PPP2R2B: variants seen among roughly 807,000 people sequenced by gnomAD.
PPP2R2B encodes protein phosphatase 2 regulatory subunit Bbeta.
In PPP2R2B, 5 loss-of-function variants were observed where a neutral mutation model predicts 46.0. The observed-to-expected ratio is 0.11, with a 90% CI of 0.06 to 0.23. PPP2R2B has a LOEUF of 0.23. Among genes scored for constraint, PPP2R2B ranks in the 10% least tolerant of loss-of-function variants. The pLI, the probability that PPP2R2B is intolerant of heterozygous loss-of-function variation, is 1.00. For synonymous variants in PPP2R2B, 215 were observed against 206.7 expected, an observed-to-expected ratio of 1.04 and a Z score of -0.34; for missense variants, 367 against 575.0, an observed-to-expected ratio of 0.64 and a Z score of 3.70.
intron 2 of PPP2R2B, among the ~76,000 whole-genome samples, chr5:146,708,721 C>T (rs1310728929): frequency 1.3e-5 from 2 of 152,070 alleles, no homozygotes; most frequent in African/African-American, 2.4e-5. Flanking sequence ...TTTCTTAGTA[C>T]ACAGAGTCAA....
At chr5:146,807,328 T>C (rs1757237653) in intron 2 of PPP2R2B, among the ~76,000 whole-genome samples, 1 of 152,170 alleles carries the variant, frequency 6.6e-6, no homozygotes, top group South Asian at 2.1e-4. Context: ...TGTTTTTGCT[T>C]ATAGGTGTAC....
Position 147,026,296 on chromosome 5 carries a change from C to A in PPP2R2B, c.79+29369G>T, listed in dbSNP as rs142918973. 4.2e-3 allele frequency among the ~76,000 whole-genome samples: 638 copies of A among 152,128 alleles called. 8 individuals are homozygous for A. The highest frequency in any genetic ancestry group is 3.6e-3 in the Non-Finnish European group (245 of 67,952). Reference sequence around the variant, plus strand: ...GGACACTTCTCAGCAATAAAAAGATCGAACTATTGCTACACACAGTAACAT... The same window carrying A: ...GGACACTTCTCAGCAATAAAAAGATAGAACTATTGCTACACACAGTAACAT... On this transcript the variant is annotated intron_variant, in intron 1 of 8. Transcript: ENST00000336640.
At chr5:146,906,742 CT>C (rs567367352) in intron 1 of PPP2R2B, among the ~76,000 whole-genome samples, 395 of 152,230 alleles carry the variant, frequency 2.6e-3, no homozygotes, top group Non-Finnish European at 3.2e-3. Flanking sequence ...CACTGGAAAA[CT>C]TTTAAATTAT....
In PPP2R2B at chr5:146,828,370, T is replaced by C. The variant is rs1758711599; in HGVS notation, c.70+49632A>G. On this transcript the variant is annotated intron_variant, in intron 2 of 9. Transcript: ENST00000394411. ...ACTTCTGTATCAATGACCAAATCAGTGGGTGAGATCTACAAACTAGAATCA... is the reference window on the plus strand; with the variant it reads ...ACTTCTGTATCAATGACCAAATCAGCGGGTGAGATCTACAAACTAGAATCA... Among the ~76,000 whole-genome samples, 2 of 151,384 alleles carry C rather than the reference T, an allele frequency of 1.3e-5. 1 individual carries two copies. The highest frequency in any genetic ancestry group is 1.3e-4 in the Admixed American group (2 of 15,180).
At chr5:146,653,321 G>C (rs1406250403) in intron 5 of PPP2R2B, among the ~76,000 whole-genome samples, 1 of 152,162 alleles carries the variant, frequency 6.6e-6, no homozygotes, top group African/African-American at 2.4e-5. Context: ...TAGTGTTACT[G>C]GTAGTTATAA....
chr5:146,780,160 T>C (rs1020799694), intron 2 of PPP2R2B, among the ~76,000 whole-genome samples: 3 of 152,178 alleles, frequency 2.0e-5, no homozygotes, highest in African/African-American at 4.8e-5. Context: ...TGTAGAGCTG[T>C]GGTAGAAACA....
chr5:146,696,174 G>A (rs1374681868), intron 4 of PPP2R2B, among the ~76,000 whole-genome samples: 4 of 151,704 alleles, frequency 2.6e-5, no homozygotes, highest in Non-Finnish European at 4.4e-5. Flanking sequence ...AGTGATCTCG[G>A]CTTACTCCAA....
At chr5:146,920,409 G>A (rs1763558072) in intron 1 of PPP2R2B, among the ~76,000 whole-genome samples, 2 of 152,100 alleles carry the variant, frequency 1.3e-5, no homozygotes. Flanking sequence ...GTCAACCATG[G>A]GCCGTGCAGG....
intron 4 of PPP2R2B, 36 bp downstream of exon 4, chr5:146,697,943 G>C: frequency 6.3e-7 from 1 of 1,581,048 alleles, no homozygotes; most frequent in Non-Finnish European, 8.6e-7. Flanking sequence ...TTGGCCGACT[G>C]TATCTCTGAA....
At chr5:146,622,994 T>C (rs913408737) in intron 7 of PPP2R2B, among the ~76,000 whole-genome samples, 1 of 152,222 alleles carries the variant, frequency 6.6e-6, no homozygotes, top group African/African-American at 2.4e-5. Context: ...TCACCTTTTA[T>C]CTGATGTTAG....
intron 1 of PPP2R2B, among the ~76,000 whole-genome samples, chr5:147,050,725 T>C (rs1448592600): frequency 3.3e-5 from 5 of 151,918 alleles, no homozygotes; most frequent in African/African-American, 1.2e-4. Context: ...CACGGTGAAA[T>C]TGTGCCTAGC....
intron 2 of PPP2R2B, among the ~76,000 whole-genome samples, chr5:146,748,069 A>T (rs1753301766): frequency 6.6e-6 from 1 of 152,158 alleles, no homozygotes; most frequent in Non-Finnish European, 1.5e-5. Context: ...AACATAGGCA[A>T]GCTCTTAAGC....
chr5:146,615,967 A>G (rs999622300), intron 7 of PPP2R2B, among the ~76,000 whole-genome samples: 56 of 152,342 alleles, frequency 3.7e-4, no homozygotes, highest in African/African-American at 1.3e-3. Flanking sequence ...TGGAGGAATC[A>G]CATTACCTGA....
intron 2 of PPP2R2B, among the ~76,000 whole-genome samples, chr5:146,741,576 G>C (rs970190973): frequency 6.6e-6 from 1 of 152,082 alleles, no homozygotes; most frequent in South Asian, 2.1e-4. Flanking sequence ...ATAGCTAGGG[G>C]TATAATACGA....
chr5:147,061,518 G>A (rs1250494263), intron 2 of PPP2R2B, among the ~76,000 whole-genome samples: 1 of 152,008 alleles, frequency 6.6e-6, no homozygotes, highest in Non-Finnish European at 1.5e-5. Flanking sequence ...TTTAATATAA[G>A]CTCTACAGGG....
intron 2 of PPP2R2B, among the ~76,000 whole-genome samples, chr5:146,827,318 T>C (rs1035294790): frequency 6.6e-6 from 1 of 152,212 alleles, no homozygotes; most frequent in African/African-American, 2.4e-5. Flanking sequence ...GGGAGATTTG[T>C]GTTTGTAAAT....
chr5:146,615,515 T>TAAAAAAAAAAAAAAAA (rs1364774106), intron 7 of PPP2R2B, among the ~76,000 whole-genome samples: 53 of 70,878 alleles, frequency 7.5e-4, no homozygotes, highest in Non-Finnish European at 9.6e-4. Flanking sequence ...AAAAAAAAAT[T>TAAAAAAAAAAAAAAAA]AAAAAAAAAA....
At chr5:146,687,306 T>C (rs1778569418) in intron 5 of PPP2R2B, among the ~76,000 whole-genome samples, 1 of 152,122 alleles carries the variant, frequency 6.6e-6, no homozygotes, top group African/African-American at 2.4e-5. Flanking sequence ...CTGCATCGGA[T>C]CGAAGGGCTC....
chr5:147,046,091 A>G (rs1406783167), intron 1 of PPP2R2B, among the ~76,000 whole-genome samples: 1 of 152,186 alleles, frequency 6.6e-6, no homozygotes, highest in Non-Finnish European at 1.5e-5. Context: ...CCATAAGAGC[A>G]GGAACCATAT....
Sources: allele counts gnomAD v4.1 joint callset (sites outside exome capture counted in the v4.1 genomes callset), GRCh38; gene constraint gnomAD v4.1.1; transcripts MANE v1.5; gene names NCBI Gene and HGNC (gene_info 2026-07-23, HGNC 2026-07-21).